LRRC37A2: variants seen among roughly 807,000 people sequenced by gnomAD.
LRRC37A2 encodes the protein leucine rich repeat containing 37 member A2, also known as leucine-rich repeat-containing protein 37A2.
In LRRC37A2, 9 loss-of-function variants were observed where a neutral mutation model predicts 68.8. That is an observed-to-expected ratio of 0.13 (90% CI 0.08 to 0.23). The LOEUF is 0.23. Among genes scored for constraint, LRRC37A2 ranks in the 10% least tolerant of loss-of-function variants. The probability of loss-of-function intolerance (pLI) is 1.00; values close to 1 mark genes in which losing one functional copy is unlikely to be tolerated. For missense variants in LRRC37A2, 168 were observed against 950.4 expected (o/e 0.18, Z 10.82); for synonymous variants, 63 against 367.6 (o/e 0.17, Z 9.48).
At chr17:46,896,392 GAGAAAGAA>G in the LRRC37A2 span, among the ~76,000 whole-genome samples, 36 of 88,848 alleles carry the variant, frequency 4.1e-4, no homozygotes, top group East Asian at 1.8e-3. Context: ...AAGAAAGAAA[GAGAAAGAA>G]AGAAAGAAAG....
the LRRC37A2 span, chr17:46,979,068 G>T: frequency 5.3e-6 from 7 of 1,323,146 alleles, no homozygotes; most frequent in Middle Eastern, 2.8e-4. Flanking sequence ...GCTCGCCGGG[G>T]TCCGCGCTCT....
chr17:46,800,965 A>G, the LRRC37A2 span, among the ~76,000 whole-genome samples: 1 of 152,226 alleles, frequency 6.6e-6, no homozygotes. Context: ...CGGAGAAGTG[A>G]GGTGTGCACG....
the LRRC37A2 span, chr17:46,762,909 T>C: frequency 6.6e-6 from 1 of 152,230 alleles, no homozygotes; most frequent in Non-Finnish European, 1.5e-5. Flanking sequence ...AAAATTCGTA[T>C]CCATTCTGCT....
At chr17:46,541,290 C>T (rs1197985165) in intron 8 of LRRC37A2, among the ~76,000 whole-genome samples, 3 of 150,268 alleles carry the variant, frequency 2.0e-5, no homozygotes, top group Non-Finnish European at 4.4e-5. Flanking sequence ...CTCACTCTGT[C>T]GCCCAGGCTG....
At chr17:47,008,810 G>C in the LRRC37A2 span, among the ~76,000 whole-genome samples, 4 of 152,126 alleles carry the variant, frequency 2.6e-5, no homozygotes, top group South Asian at 4.1e-4. Flanking sequence ...AAAGAATATT[G>C]TTTGAGATTC....
At chr17:46,961,643 C>G in the LRRC37A2 span, among the ~76,000 whole-genome samples, 8 of 151,992 alleles carry the variant, frequency 5.3e-5, no homozygotes, top group African/African-American at 1.7e-4. Flanking sequence ...AGATGAAATA[C>G]GTCTGTAAAA....
the LRRC37A2 span, among the ~76,000 whole-genome samples, chr17:46,857,474 C>CAAAAAAA: frequency 1.1e-5 from 1 of 94,650 alleles, no homozygotes; most frequent in Non-Finnish European, 2.4e-5. Context: ...GACTCTGTCT[C>CAAAAAAA]AAAAAAAAAA....
At chr17:46,458,206 TAACTG>T in the LRRC37A2 span, among the ~76,000 whole-genome samples, 1 of 99,804 alleles carries the variant, frequency 1.0e-5, no homozygotes, top group Non-Finnish European at 2.3e-5. Context: ...GGGTAAAACA[TAACTG>T]AAATCATTTT....
chr17:46,490,301 C>T, the LRRC37A2 span, among the ~76,000 whole-genome samples: 45 of 151,378 alleles, frequency 3.0e-4, no homozygotes, highest in Admixed American at 5.9e-4. Flanking sequence ...CAAAAACAGG[C>T]TGTGGCCGGC....
At chr17:46,537,402 C>T (rs1598425957) in intron 6 of LRRC37A2, 1 of 356 alleles carries the variant, frequency 2.8e-3, no homozygotes, top group South Asian at 8.8e-3. Context: ...CCCCTGACCT[C>T]GTGATCCGCC....
chr17:46,986,844 G>A, the LRRC37A2 span, among the ~76,000 whole-genome samples: 1 of 152,108 alleles, frequency 6.6e-6, no homozygotes, highest in East Asian at 1.9e-4. Flanking sequence ...GTCACAAGGA[G>A]AGCTGAGTCA....
At chr17:47,001,827 T>C in the LRRC37A2 span, among the ~76,000 whole-genome samples, 4 of 150,094 alleles carry the variant, frequency 2.7e-5, no homozygotes, top group African/African-American at 9.8e-5. Flanking sequence ...GTTCAACAGA[T>C]TCTCCTGCCT....
chr17:46,850,842 C>G, the LRRC37A2 span, among the ~76,000 whole-genome samples: 2 of 152,236 alleles, frequency 1.3e-5, no homozygotes, highest in Admixed American at 1.3e-4. Context: ...GGTCCCTCCT[C>G]CCGCAGGGCT....
At chr17:46,953,995 C>T in the LRRC37A2 span, among the ~76,000 whole-genome samples, 53 of 152,276 alleles carry the variant, frequency 3.5e-4, no homozygotes, top group African/African-American at 1.2e-3. Context: ...TGCCTGTTCA[C>T]GCTGATGGTA....
At chr17:46,889,309 G>C in the LRRC37A2 span, among the ~76,000 whole-genome samples, 6 of 152,260 alleles carry the variant, frequency 3.9e-5, no homozygotes, top group African/African-American at 1.4e-4. Flanking sequence ...CCTTAGCCAG[G>C]CAGGAAGTGC....
At chr17:46,734,095 G>A in the LRRC37A2 span, among the ~76,000 whole-genome samples, 1 of 152,090 alleles carries the variant, frequency 6.6e-6, no homozygotes, top group Admixed American at 6.6e-5. Flanking sequence ...TGACATCTTA[G>A]CAGTCTTACT....
chr17:46,815,031 A>G, the LRRC37A2 span, among the ~76,000 whole-genome samples: 1 of 152,194 alleles, frequency 6.6e-6, no homozygotes, highest in African/African-American at 2.4e-5. Flanking sequence ...AAGCAGACCC[A>G]GATGGGTGGC....
the LRRC37A2 span, among the ~76,000 whole-genome samples, chr17:46,854,069 A>G: frequency 6.6e-6 from 1 of 152,158 alleles, no homozygotes; most frequent in Non-Finnish European, 1.5e-5. Flanking sequence ...AGAGCTGACA[A>G]AAGACACAAA....
At chr17:46,499,144 G>A in the LRRC37A2 span, among the ~76,000 whole-genome samples, 58 of 144,592 alleles carry the variant, frequency 4.0e-4, no homozygotes, top group East Asian at 1.0e-3. Context: ...GTGAGACCCC[G>A]TCTCTACTAA....
Sources: allele counts gnomAD v4.1 joint callset (sites outside exome capture counted in the v4.1 genomes callset), GRCh38; gene constraint gnomAD v4.1.1; transcripts MANE v1.5; gene names NCBI Gene and HGNC (gene_info 2026-07-23, HGNC 2026-07-21).